The following ACSL4 variants were observed in gnomAD, a reference collection of about 807,000 sequenced individuals.
ACSL4 encodes the protein acyl-CoA synthetase long chain family member 4, also known as long-chain-fatty-acid--CoA ligase 4.
In ACSL4, 9 loss-of-function variants were observed where a neutral mutation model predicts 49.1. The ratio of observed to expected loss-of-function variants is 0.18; its 90% CI spans 0.11 to 0.32. The LOEUF (loss-of-function observed/expected upper bound fraction) is 0.32, where lower values mean the gene tolerates loss of function less well. Among genes scored for constraint, ACSL4 ranks in the 10% least tolerant of loss-of-function variants. The probability of loss-of-function intolerance (pLI) is 1.00; values close to 1 mark genes in which losing one functional copy is unlikely to be tolerated. For missense variants in ACSL4, 333 were observed against 493.7 expected (o/e 0.67, Z 3.08); for synonymous variants, 191 against 170.3 (o/e 1.12, Z -0.95).
chrX:109,670,955 G>A (rs953643980), intron 9 of ACSL4, among the ~76,000 whole-genome samples: 7 of 112,384 alleles, frequency 6.2e-5, no homozygotes, highest in Non-Finnish European at 1.3e-4. Context: ...GGAGTGCAGT[G>A]GCGTGATCTC....
chrX:109,682,695 C>A (rs754365300), intron 4 of ACSL4, 24 bp downstream of exon 4: 3 of 1,209,884 alleles, frequency 2.5e-6, no homozygotes, highest in Non-Finnish European at 2.2e-6. Context: ...TCCTCTCCCC[C>A]CTCCAAAAAC....
At chrX:109,661,693 A>G (rs376911017) in intron 13 of ACSL4, 48 bp from the exon 14 acceptor site, 2 of 807,329 alleles carry the variant, frequency 2.5e-6, no homozygotes, top group Non-Finnish European at 3.8e-6. Context: ...AGGTATATGC[A>G]ATTCTGACTG....
At chrX:109,653,147 G>A (rs1302717671) in intron 15 of ACSL4, among the ~76,000 whole-genome samples, 11 of 111,236 alleles carry the variant, frequency 9.9e-5, no homozygotes, top group East Asian at 2.8e-4. Flanking sequence ...ATTTGGCAAT[G>A]AGGAAAAAAG....
In ACSL4 at chrX:109,659,539, T is replaced by TA; in HGVS notation, c.1698-29_1698-28insT. 3.8e-6 allele frequency: 4 copies of TA among 1,065,499 alleles called. No individual in the cohort carries two copies. In the East Asian group the frequency reaches 1.2e-4, roughly 32 times the overall value. The allele number at this position is 1,065,499 out of a possible 1,213,427, so 87.8% of individuals were successfully genotyped here. A position where few individuals can be genotyped will look rare whatever the true frequency, so the allele number is the denominator to read the frequency against. ...AAAAAAACAGAAAATAAAATAGAAATGAAAACATTGAGAAAAGTTATTCAT... is the reference window on the plus strand; with the variant it reads ...AAAAAAACAGAAAATAAAATAGAAATAGAAAACATTGAGAAAAGTTATTCAT... On this transcript the variant is annotated intron_variant, in intron 14 of 15. Coordinates refer to ENST00000672401, the MANE Select transcript of ACSL4 (RefSeq NM_001318510.2).
chrX:109,675,235 C>A (rs140831920), intron 8 of ACSL4, among the ~76,000 whole-genome samples: 1 of 112,951 alleles, frequency 8.9e-6, no homozygotes, highest in Non-Finnish European at 1.9e-5. Flanking sequence ...CTGCATGCTA[C>A]TGACCAGCTC....
chrX:109,698,101 T>C (rs1028317650), intron 1 of ACSL4, among the ~76,000 whole-genome samples: 2 of 111,716 alleles, frequency 1.8e-5, no homozygotes, highest in Non-Finnish European at 3.8e-5. Flanking sequence ...TCCATTCTTG[T>C]AGCCCCAAAT....
intron 2 of ACSL4, among the ~76,000 whole-genome samples, chrX:109,684,902 CATACACTAA>C (rs1294883043): frequency 4.5e-5 from 5 of 110,383 alleles, no homozygotes; most frequent in African/African-American, 1.7e-4. Flanking sequence ...TGGGGCACAG[CATACACTAA>C]ATACGCTAAA....
At chrX:109,707,993 G>A (rs773579833) in intron 1 of ACSL4, among the ~76,000 whole-genome samples, 82 of 111,797 alleles carry the variant, frequency 7.3e-4, no homozygotes, top group African/African-American at 2.6e-3. Context: ...TACCCAGGCA[G>A]GAATCCAGTG....
intron 15 of ACSL4, among the ~76,000 whole-genome samples, chrX:109,644,899 T>A (rs781161461): frequency 8.8e-6 from 1 of 113,014 alleles, no homozygotes; most frequent in African/African-American, 3.2e-5. Flanking sequence ...TTCCCTTTCC[T>A]AGTCAAAGAA....
At chrX:109,703,369 G>A (rs988589223) in intron 1 of ACSL4, among the ~76,000 whole-genome samples, 1 of 111,693 alleles carries the variant, frequency 9.0e-6, no homozygotes, top group African/African-American at 3.3e-5. Flanking sequence ...TACTATAATC[G>A]TGTAACATGT....
intron 15 of ACSL4, among the ~76,000 whole-genome samples, chrX:109,655,365 G>A (rs1921551781): frequency 9.0e-6 from 1 of 111,294 alleles, no homozygotes. Context: ...AACACTGAGA[G>A]GACAGGAACA....
At chrX:109,665,551 T>C (rs1356406167) in intron 11 of ACSL4, 57 bp from the exon 12 acceptor site, 10 of 964,675 alleles carry the variant, frequency 1.0e-5, no homozygotes, top group Non-Finnish European at 1.2e-5. Context: ...TTTGTACCAA[T>C]GCACTGGGAA....
intron 2 of ACSL4, among the ~76,000 whole-genome samples, chrX:109,693,899 T>G (rs1049807032): frequency 9.0e-6 from 1 of 111,650 alleles, no homozygotes; most frequent in Non-Finnish European, 1.9e-5. Context: ...GATTGATTGC[T>G]ATAAATATGT....
Position 109,733,254 on chromosome X carries a change from C to G in ACSL4, c.-181G>C, listed in dbSNP as rs749553563. 9.8e-6 allele frequency: 3 copies of G among 304,900 alleles called. No homozygotes were observed. The allele number at this position is 304,900 out of a possible 1,213,427, so 25.1% of individuals were successfully genotyped here. ...GACGAGGAGGAGCGCGCGGCGGAGG[C>G]CAGAGAAAAAGCCGCAGCGGCGCGC... On this transcript the variant is annotated 5_prime_UTR_variant, in exon 1 of 16. Transcript: ENST00000672401.
At chrX:109,713,608 C>T (rs1367660484) in intron 1 of ACSL4, among the ~76,000 whole-genome samples, 1 of 110,289 alleles carries the variant, frequency 9.1e-6, no homozygotes, top group Admixed American at 9.7e-5. Flanking sequence ...AGTCGTTCAA[C>T]ATAATATACA....
Position 109,669,117 on chromosome X carries a change from A to G in ACSL4, c.1059T>C (p.Tyr353=), listed in dbSNP as rs1312794476. The change falls in exon 10 of 16, where the codon TAT becomes TAC. Residue 353 remains tyrosine (Y), a synonymous_variant. Transcript: ENST00000672401. Reference sequence around the variant, plus strand: ...CTATCTTGAACAGAGTTTTCTGAATATAATTCATCTCTTGGACTTTGCTCA... The same window carrying G: ...CTATCTTGAACAGAGTTTTCTGAATGTAATTCATCTCTTGGACTTTGCTCA... The part of the protein sequence containing the change: ...NVMSKVQEMN[Y]IQKTLFKIGY... 4 of 1,178,204 alleles carry G rather than the reference A, an allele frequency of 3.4e-6. No individual in the cohort carries two copies. Among genetic ancestry groups the G allele is most frequent in the Non-Finnish European group, 3.5e-6 (3 of 866,567 alleles).
rs753002140 is a variant in ACSL4, at chrX:109,680,019, T to C, written c.655+979A>G. On this transcript the variant is annotated intron_variant, in intron 6 of 15. Transcript: ENST00000672401. ...CTTTACAAGGATATTTGCACAGAGA[T>C]AGTGTCTCTCCCCAGAGCAAACAGC... Among the ~76,000 whole-genome samples, 73 of 112,173 alleles carry C rather than the reference T, an allele frequency of 6.5e-4. 1 individual carries two copies. The Admixed American group carries it at 6.9e-3, about 11-fold the overall frequency.
At chrX:109,655,972 C>T (rs956946259) in intron 15 of ACSL4, among the ~76,000 whole-genome samples, 2 of 110,852 alleles carry the variant, frequency 1.8e-5, no homozygotes, top group African/African-American at 3.3e-5. Flanking sequence ...AAAAATTTAC[C>T]TCCCATGCAC....
intron 15 of ACSL4, among the ~76,000 whole-genome samples, chrX:109,659,078 A>G (rs1391542068): frequency 8.9e-6 from 1 of 111,967 alleles, no homozygotes; most frequent in African/African-American, 3.2e-5. Context: ...GTAGATTTAT[A>G]TAACAGATCT....
Sources: gnomAD v4.1 joint callset for allele counts (sites outside exome capture counted in the v4.1 genomes callset) on GRCh38, gnomAD v4.1.1 for gene constraint, MANE v1.5 for transcripts, NCBI Gene and HGNC (gene_info 2026-07-23, HGNC 2026-07-21) for gene names.